Variants in TFDP2 observed in about 807,000 individuals in gnomAD.
The protein encoded by TFDP2 is transcription factor Dp-2.
In TFDP2, 17 loss-of-function variants were observed where a neutral mutation model predicts 59.3. The ratio of observed to expected loss-of-function variants is 0.29; its 90% confidence interval spans 0.20 to 0.43. The LOEUF is 0.43. Among genes scored for constraint, TFDP2 ranks in the 20% least tolerant of loss-of-function variants. The pLI, the probability that TFDP2 is intolerant of heterozygous loss-of-function variation, is 1.00. For missense variants in TFDP2, 391 were observed against 528.8 expected (o/e 0.74, Z 2.56); for synonymous variants, 180 against 194.7 (o/e 0.92, Z 0.63).
At chr3:142,117,970 C>T (rs13100252) in intron 1 of TFDP2, among the ~76,000 whole-genome samples, 66,490 of 151,726 alleles carry the variant, frequency 0.44, 16,605 homozygotes, top group East Asian at 0.7. Flanking sequence ...TGGTGGCATG[C>T]GCCTGTAATC....
At chr3:141,962,462 G>A (rs545115815) in intron 10 of TFDP2, among the ~76,000 whole-genome samples, 38 of 152,164 alleles carry the variant, frequency 2.5e-4, no homozygotes, top group East Asian at 3.9e-4. Flanking sequence ...AGGTTCAAGC[G>A]TTTCTCCTGC....
intron 1 of TFDP2, among the ~76,000 whole-genome samples, chr3:142,146,424 T>A (rs193102446): frequency 6.6e-6 from 1 of 152,316 alleles, no homozygotes; most frequent in Non-Finnish European, 1.5e-5. Context: ...TTGTGTAAGA[T>A]AGACACTATT....
At chr3:142,064,742 G>A (rs1015694550) in intron 3 of TFDP2, among the ~76,000 whole-genome samples, 2 of 152,122 alleles carry the variant, frequency 1.3e-5, no homozygotes, top group African/African-American at 4.8e-5. Context: ...TGAAAAAAGG[G>A]ATAATAAGAG....
chr3:142,055,251 C>T (rs2059701657), intron 3 of TFDP2, among the ~76,000 whole-genome samples: 3 of 152,018 alleles, frequency 2.0e-5, no homozygotes, highest in South Asian at 2.1e-4. Flanking sequence ...AGTAATCCAT[C>T]TCAGTAAGAG....
intron 1 of TFDP2, among the ~76,000 whole-genome samples, chr3:142,119,920 C>A (rs531437145): frequency 6.8e-6 from 1 of 147,784 alleles, no homozygotes; most frequent in South Asian, 2.2e-4. Flanking sequence ...CATGGTGGTG[C>A]GCGCCTGTAG....
chr3:142,093,859 A>T (rs2061079857), intron 2 of TFDP2: 1 of 394,402 alleles, frequency 2.5e-6, no homozygotes, highest in Non-Finnish European at 5.1e-6. Context: ...ACCAGTACTT[A>T]GCAATTCAGG....
chr3:142,041,571 T>C (rs1946972602), intron 3 of TFDP2, among the ~76,000 whole-genome samples: 2 of 152,354 alleles, frequency 1.3e-5, no homozygotes, highest in South Asian at 4.1e-4. Flanking sequence ...TCCCCAGCCA[T>C]GTGGAACTGT....
chr3:142,012,619 T>C (rs577541104), intron 3 of TFDP2, among the ~76,000 whole-genome samples: 2 of 152,284 alleles, frequency 1.3e-5, no homozygotes, highest in South Asian at 4.1e-4. Context: ...CGTATTGCCA[T>C]GGAAAAATGT....
In TFDP2 at chr3:141,969,024, CAT is replaced by C. The variant is rs1345857668; in HGVS notation, c.732+1047_732+1048del. On this transcript the variant is annotated intron_variant, in intron 9 of 12. Transcript: ENST00000489671. ...CTCATATATATAGATATATATATAA[CAT>C]ATATCTCATATATAGATATATATAT... is the stretch of plus-strand genomic sequence containing the variant. 4.4e-4 allele frequency among the ~76,000 whole-genome samples: 35 copies of C among 80,140 alleles called. 1 individual carries two copies. In the East Asian group the frequency reaches 9.6e-3, roughly 22 times the overall value. The allele number at this position is 80,140 out of a possible 152,430, so 52.6% of individuals were successfully genotyped here.
At chr3:141,961,962 G>A (rs1286512896) in intron 10 of TFDP2, among the ~76,000 whole-genome samples, 1 of 151,684 alleles carries the variant, frequency 6.6e-6, no homozygotes, top group African/African-American at 2.4e-5. Flanking sequence ...CTCTTTTTTT[G>A]GGGGGGACGG....
At chr3:141,992,057 G>A (rs1450570494) in intron 6 of TFDP2, among the ~76,000 whole-genome samples, 47 of 106,644 alleles carry the variant, frequency 4.4e-4, no homozygotes, top group Middle Eastern at 4.3e-3. Flanking sequence ...AAAAAAAAAA[G>A]AAAGAAAAGA....
chr3:142,076,640 T>C (rs1397050168), intron 3 of TFDP2, among the ~76,000 whole-genome samples: 3 of 152,234 alleles, frequency 2.0e-5, no homozygotes, highest in Non-Finnish European at 4.4e-5. Context: ...AATTAATTTT[T>C]AAGTGTTAAT....
chr3:142,029,123 C>T (rs1399298134), intron 3 of TFDP2: 1 of 152,542 alleles, frequency 6.6e-6, no homozygotes, highest in Non-Finnish European at 1.5e-5. Context: ...AGACTTAATG[C>T]ATCTTGAAAG....
rs1278998087 is a variant in TFDP2, at chr3:141,952,165, G to A, written c.*348C>T. 5.6e-6 allele frequency: 1 copy of A among 177,046 alleles called. No individual in the cohort carries two copies. Among genetic ancestry groups the A allele is most frequent in the African/African-American group, 2.4e-5 (1 of 42,102 alleles). The allele number at this position is 177,046 out of a possible 1,614,324, so 11.0% of individuals were successfully genotyped here. The stretch of plus-strand genomic sequence containing the variant: ...CTCCGTGTAGCAATCTCAATTCTAA[G>A]AATAATTACATGGGTGTGAGGAACA... On this transcript the variant is annotated 3_prime_UTR_variant, in exon 13 of 13. Coordinates refer to ENST00000489671, the MANE Select transcript of TFDP2 (RefSeq NM_001178139.2).
chr3:142,074,495 T>C (rs1280794629), intron 3 of TFDP2, among the ~76,000 whole-genome samples: 1 of 151,874 alleles, frequency 6.6e-6, no homozygotes, highest in African/African-American at 2.4e-5. Context: ...GGAGAATTGC[T>C]TGAGGCTGGA....
At chr3:141,956,620 A>G (rs1203781179) in intron 11 of TFDP2, among the ~76,000 whole-genome samples, 1 of 152,238 alleles carries the variant, frequency 6.6e-6, no homozygotes, top group East Asian at 1.9e-4. Context: ...AACACATGAA[A>G]AGATGCTCAA....
chr3:141,960,462 G>A (rs989948511), intron 10 of TFDP2, among the ~76,000 whole-genome samples: 9 of 152,132 alleles, frequency 5.9e-5, no homozygotes, highest in Non-Finnish European at 7.3e-5. Flanking sequence ...CCCAACACAC[G>A]TTAATCAAGA....
chr3:142,078,141 G>T (rs1396876469), intron 3 of TFDP2, among the ~76,000 whole-genome samples: 1 of 152,146 alleles, frequency 6.6e-6, no homozygotes, highest in Non-Finnish European at 1.5e-5. Context: ...TGTGGTCTGG[G>T]TGCCAGCTCA....
At chr3:142,043,714 T>C in intron 3 of TFDP2, 2 of 1,207,748 alleles carry the variant, frequency 1.7e-6, no homozygotes, top group Non-Finnish European at 2.5e-6. Flanking sequence ...GCGTGCTTCC[T>C]TGGTCTTAGA....
Sources: gnomAD v4.1 joint callset for allele counts (sites outside exome capture counted in the v4.1 genomes callset) on GRCh38, gnomAD v4.1.1 for gene constraint, MANE v1.5 for transcripts, NCBI Gene and HGNC (gene_info 2026-07-23, HGNC 2026-07-21) for gene names.